Variants in ZDHHC17 observed in about 807,000 individuals in gnomAD.
The protein encoded by ZDHHC17 is palmitoyltransferase ZDHHC17.
In ZDHHC17, 40 loss-of-function variants were observed where a neutral mutation model predicts 90.3. The observed-to-expected ratio is 0.44, with a 90% CI of 0.34 to 0.58. The LOEUF (loss-of-function observed/expected upper bound fraction) is 0.58. ZDHHC17 is among the 20% of genes least tolerant of loss of function. ZDHHC17 has a pLI of 0.01. For missense variants in ZDHHC17, 614 were observed against 780.8 expected, an observed-to-expected ratio of 0.79 and a Z score of 2.55; for synonymous variants, 235 against 252.4, an observed-to-expected ratio of 0.93 and a Z score of 0.65.
At chr12:76,813,083 T>A (rs1455342355) in intron 5 of ZDHHC17, among the ~76,000 whole-genome samples, 2 of 152,204 alleles carry the variant, frequency 1.3e-5, no homozygotes, top group African/African-American at 4.8e-5. Flanking sequence ...TACATTTTTT[T>A]ATTTATTGAT....
At chr12:76,810,733 G>T (rs1044097024) in intron 5 of ZDHHC17, among the ~76,000 whole-genome samples, 1 of 152,102 alleles carries the variant, frequency 6.6e-6, no homozygotes, top group Non-Finnish European at 1.5e-5. Context: ...CTGTTACTGT[G>T]TTAAAAAACT....
intron 1 of ZDHHC17, among the ~76,000 whole-genome samples, chr12:76,772,264 AT>A (rs145158889): frequency 2.6e-5 from 4 of 152,266 alleles, no homozygotes; most frequent in African/African-American, 9.6e-5. Flanking sequence ...AAATGGTCTC[AT>A]TTGTGTTTTG....
chr12:76,789,554 T>G (rs1319965303), intron 1 of ZDHHC17, among the ~76,000 whole-genome samples: 1 of 152,166 alleles, frequency 6.6e-6, no homozygotes, highest in Non-Finnish European at 1.5e-5. Context: ...CTAACTGTGG[T>G]TGAAAGGAAT....
At chr12:76,781,507 C>T in intron 1 of ZDHHC17, 1 of 416,486 alleles carries the variant, frequency 2.4e-6, no homozygotes, top group Non-Finnish European at 4.8e-6. Context: ...GATTAATGTC[C>T]TTATCAAGAG....
intron 1 of ZDHHC17, among the ~76,000 whole-genome samples, chr12:76,765,433 T>C (rs1952420047): frequency 1.3e-5 from 2 of 152,240 alleles, no homozygotes; most frequent in Admixed American, 1.3e-4. Flanking sequence ...CTTCGGAATA[T>C]ATACCTGTGC....
chr12:76,809,372 C>T (rs1218766398), intron 4 of ZDHHC17, among the ~76,000 whole-genome samples: 2 of 151,816 alleles, frequency 1.3e-5, no homozygotes, highest in Non-Finnish European at 2.9e-5. Context: ...GATTTCTAAA[C>T]GTAATATTTT....
chr12:76,842,213 G>A (rs1953444324), intron 11 of ZDHHC17, 107 bp downstream of exon 11: 3 of 1,215,926 alleles, frequency 2.5e-6, no homozygotes, highest in Non-Finnish European at 2.1e-6. Context: ...ATGTAAAGAA[G>A]TTTTAAGCTA....
chr12:76,835,953 G>GT, intron 10 of ZDHHC17, among the ~76,000 whole-genome samples: 1 of 151,250 alleles, frequency 6.6e-6, no homozygotes, highest in Non-Finnish European at 1.5e-5. Flanking sequence ...AATTGTGTAT[G>GT]TTTTTTTCTT....
chr12:76,826,869 A>C, intron 8 of ZDHHC17, 39 bp from the exon 9 acceptor site: 1 of 1,487,746 alleles, frequency 6.7e-7, no homozygotes, highest in South Asian at 1.4e-5. Context: ...GATTACTTGA[A>C]ACATGCAAAA....
At chr12:76,797,318 AT>A (rs2137745631) in intron 1 of ZDHHC17, 115 bp from the exon 2 acceptor site, 1 of 601,706 alleles carries the variant, frequency 1.7e-6, no homozygotes, top group Admixed American at 3.6e-5. Context: ...GGTAAATTTA[AT>A]TATTTCAGTA....
At chr12:76,773,125 T>C (rs1415432087) in intron 1 of ZDHHC17, among the ~76,000 whole-genome samples, 1 of 152,200 alleles carries the variant, frequency 6.6e-6, no homozygotes, top group Non-Finnish European at 1.5e-5. Flanking sequence ...CTCAAAGTAC[T>C]GGGCTTACAG....
At chr12:76,819,993 TAAAAAAA>T (rs71085459) in intron 7 of ZDHHC17, among the ~76,000 whole-genome samples, 1 of 140,784 alleles carries the variant, frequency 7.1e-6, no homozygotes, top group Non-Finnish European at 1.5e-5. Context: ...AACTATGTCT[TAAAAAAA>T]AAAAAAAAAA....
intron 1 of ZDHHC17, among the ~76,000 whole-genome samples, chr12:76,797,040 G>A (rs536014701): frequency 5.9e-5 from 9 of 152,076 alleles, no homozygotes; most frequent in South Asian, 4.2e-4. Flanking sequence ...CAAGGCGGGC[G>A]GATCACGAGG....
intron 1 of ZDHHC17, among the ~76,000 whole-genome samples, chr12:76,783,503 C>A (rs965133221): frequency 2.6e-5 from 4 of 152,214 alleles, no homozygotes; most frequent in Non-Finnish European, 5.9e-5. Flanking sequence ...GGAAACCGCC[C>A]CCATGATCAA....
At chr12:76,830,252 C>T (rs1382589783) in intron 10 of ZDHHC17, among the ~76,000 whole-genome samples, 1 of 151,992 alleles carries the variant, frequency 6.6e-6, no homozygotes, top group East Asian at 1.9e-4. Context: ...GTTATTAATA[C>T]CTGGTTTTGT....
At chr12:76,814,879 T>C (rs1418752782) in intron 5 of ZDHHC17, among the ~76,000 whole-genome samples, 1 of 151,954 alleles carries the variant, frequency 6.6e-6, no homozygotes, top group African/African-American at 2.4e-5. Flanking sequence ...AAGGTCAGAA[T>C]AGGTTAAGAA....
At chr12:76,820,552 A>C (rs1953152277) in intron 7 of ZDHHC17, among the ~76,000 whole-genome samples, 1 of 152,176 alleles carries the variant, frequency 6.6e-6, no homozygotes, top group Non-Finnish European at 1.5e-5. Context: ...CATAGTTTTT[A>C]GCTTGTACAG....
In ZDHHC17 at chr12:76,834,131, TC is replaced by T. The variant is rs1953336878; in HGVS notation, c.1141+5642del. Among the ~76,000 whole-genome samples, 6 of 152,324 alleles carry T rather than the reference TC, an allele frequency of 3.9e-5. No homozygotes were observed. In the South Asian group the frequency reaches 1.2e-3, roughly 32 times the overall value. ...GAAAAGAGCTGGAAGTGAATATGTA[TC>T]ATTTTAGCAGTGGTTATCTCTAGGA... On this transcript the variant is annotated intron_variant, in intron 10 of 16. Coordinates refer to ENST00000426126, the MANE Select transcript of ZDHHC17 (RefSeq NM_015336.4).
chr12:76,776,544 G>T (rs1952562890), intron 1 of ZDHHC17, among the ~76,000 whole-genome samples: 1 of 151,920 alleles, frequency 6.6e-6, no homozygotes, highest in African/African-American at 2.4e-5. Flanking sequence ...GTATTTTTCT[G>T]AATACAATTT....
Sources: gnomAD v4.1 joint callset for allele counts (sites outside exome capture counted in the v4.1 genomes callset) on GRCh38, gnomAD v4.1.1 for gene constraint, MANE v1.5 for transcripts, NCBI Gene and HGNC (gene_info 2026-07-23, HGNC 2026-07-21) for gene names.